The following STK33 variants were observed in gnomAD, a reference collection of about 807,000 sequenced individuals.
STK33 encodes serine/threonine-protein kinase 33.
Under a neutral mutation model 58.0 loss-of-function variants are expected in STK33, and 52 were observed. The ratio of observed to expected loss-of-function variants is 0.90; its 90% CI spans 0.72 to 1.13. The LOEUF (loss-of-function observed/expected upper bound fraction) is 1.13, where lower values mean the gene tolerates loss of function less well. Among genes scored for constraint, STK33 ranks in the 50% most tolerant of loss-of-function variants. The pLI is 0.00. For synonymous variants in STK33, 215 were observed against 200.1 expected (o/e 1.07, Z -0.63); for missense variants, 630 against 604.2 (o/e 1.04, Z -0.45).
intron 1 of STK33, among the ~76,000 whole-genome samples, chr11:8,499,386 A>G (rs1179564606): frequency 6.6e-6 from 1 of 152,214 alleles, no homozygotes; most frequent in Non-Finnish European, 1.5e-5. Flanking sequence ...ATCTCATGCC[A>G]GTTAGAATAG....
At chr11:8,407,754 T>C (rs1939506300) in intron 15 of STK33, among the ~76,000 whole-genome samples, 1 of 151,892 alleles carries the variant, frequency 6.6e-6, no homozygotes, top group South Asian at 2.1e-4. Context: ...ATATGAGTAA[T>C]TGGAGTCTCA....
chr11:8,590,049 TG>T (rs1489089015), intron 1 of STK33, among the ~76,000 whole-genome samples: 6 of 152,196 alleles, frequency 3.9e-5, no homozygotes. Context: ...GCACTGCCTT[TG>T]GTAAATGGTA....
chr11:8,351,331 C>G, the STK33 span, among the ~76,000 whole-genome samples: 6 of 152,242 alleles, frequency 3.9e-5, no homozygotes, highest in African/African-American at 1.4e-4. Context: ...TGTCTCCCCA[C>G]CCTGCGAGCT....
intron 1 of STK33, among the ~76,000 whole-genome samples, chr11:8,589,351 ATAC>A (rs2032227407): frequency 6.6e-6 from 1 of 152,256 alleles, no homozygotes; most frequent in South Asian, 2.1e-4. Flanking sequence ...GTACTGATAC[ATAC>A]TACAACAGAA....
At chr11:8,429,053 C>A (rs895818253) in intron 14 of STK33, among the ~76,000 whole-genome samples, 3 of 151,774 alleles carry the variant, frequency 2.0e-5, no homozygotes, top group African/African-American at 7.3e-5. Flanking sequence ...GGATAAAATT[C>A]TGTGGAAGAA....
intron 1 of STK33, among the ~76,000 whole-genome samples, chr11:8,527,371 A>T (rs538586151): frequency 6.6e-6 from 1 of 152,294 alleles, no homozygotes; most frequent in South Asian, 2.1e-4. Flanking sequence ...TATTGATCTG[A>T]GTGATGGGTT....
intron 15 of STK33, among the ~76,000 whole-genome samples, chr11:8,409,606 TCA>T (rs1939861629): frequency 6.6e-6 from 1 of 152,116 alleles, no homozygotes; most frequent in African/African-American, 2.4e-5. Flanking sequence ...CTCACCAAAC[TCA>T]GAGGGCAAAC....
intron 1 of STK33, among the ~76,000 whole-genome samples, chr11:8,502,622 T>C (rs1591515787): frequency 6.6e-6 from 1 of 151,842 alleles, no homozygotes; most frequent in African/African-American, 2.4e-5. Context: ...AAAACAAAAA[T>C]TGACAAATGG....
At chr11:8,593,490 G>A (rs1565442498) in intron 1 of STK33, among the ~76,000 whole-genome samples, 1 of 152,138 alleles carries the variant, frequency 6.6e-6, no homozygotes, top group Non-Finnish European at 1.5e-5. Flanking sequence ...TGAAACCCAC[G>A]ACCTTGTGAG....
chr11:8,435,465 A>G, intron 14 of STK33, 29 bp downstream of exon 14: 1 of 1,231,730 alleles, frequency 8.1e-7, no homozygotes. Context: ...GTAGCATGTC[A>G]GAAAGAAAAA....
At chr11:8,450,326 T>C (rs1326515951) in intron 11 of STK33, among the ~76,000 whole-genome samples, 1 of 152,014 alleles carries the variant, frequency 6.6e-6, no homozygotes, top group African/African-American at 2.4e-5. Context: ...AAACACTCCA[T>C]GTTCTCACTT....
the STK33 span, among the ~76,000 whole-genome samples, chr11:8,365,299 C>T: frequency 6.6e-6 from 1 of 152,184 alleles, no homozygotes; most frequent in South Asian, 2.1e-4. Context: ...TTCCTCCACT[C>T]TCACCCTCAT....
chr11:8,530,436 G>A (rs75199557), intron 1 of STK33, among the ~76,000 whole-genome samples: 2 of 151,592 alleles, frequency 1.3e-5, no homozygotes, highest in African/African-American at 4.9e-5. Flanking sequence ...GTGGAGAAAT[G>A]TGTATTTATT....
At chr11:8,442,289 A>G (rs1944854882) in intron 11 of STK33, among the ~76,000 whole-genome samples, 1 of 152,238 alleles carries the variant, frequency 6.6e-6, no homozygotes, top group African/African-American at 2.4e-5. Context: ...AAATCTTTAA[A>G]TATGGAATTT....
chr11:8,520,926 A>G (rs1953364899), intron 1 of STK33, among the ~76,000 whole-genome samples: 1 of 152,058 alleles, frequency 6.6e-6, no homozygotes, highest in Admixed American at 6.6e-5. Flanking sequence ...TGCACAAGGT[A>G]ATTTATAACG....
intron 15 of STK33, among the ~76,000 whole-genome samples, chr11:8,398,873 C>T (rs1849857901): frequency 6.6e-6 from 1 of 151,462 alleles, no homozygotes; most frequent in African/African-American, 2.4e-5. Flanking sequence ...ACAAAGAAGG[C>T]CATTACTTAA....
At chr11:8,405,989 A>G (rs1006128133) in intron 15 of STK33, among the ~76,000 whole-genome samples, 1 of 151,864 alleles carries the variant, frequency 6.6e-6, no homozygotes, top group Non-Finnish European at 1.5e-5. Flanking sequence ...AAAAATACAA[A>G]AAAATTAGCC....
At chr11:8,591,770 GTGGGAATTGAAGAATGAGA>G (rs1293680579) in intron 1 of STK33, among the ~76,000 whole-genome samples, 1 of 149,684 alleles carries the variant, frequency 6.7e-6, no homozygotes, top group Non-Finnish European at 1.5e-5. Flanking sequence ...TCACTCATAG[GTGGGAATTGAAGAATGAGA>G]ACACATGGAC....
At chr11:8,420,189 C>CG (rs1941713918) in intron 14 of STK33, among the ~76,000 whole-genome samples, 1 of 152,066 alleles carries the variant, frequency 6.6e-6, no homozygotes, top group African/African-American at 2.4e-5. Context: ...GTTTTAGATA[C>CG]CCAAAGAGGA....
Sources: allele counts gnomAD v4.1 joint callset (sites outside exome capture counted in the v4.1 genomes callset), GRCh38; gene constraint gnomAD v4.1.1; transcripts MANE v1.5; gene names NCBI Gene and HGNC (gene_info 2026-07-23, HGNC 2026-07-21).